Variants in CEP63 observed in about 807,000 individuals in gnomAD.
CEP63 encodes centrosomal protein of 63 kDa.
CEP63 carries 84 observed loss-of-function variants against 89.1 expected under a neutral mutation model. That is an observed-to-expected ratio of 0.94 (90% CI 0.79 to 1.13). The LOEUF (loss-of-function observed/expected upper bound fraction) is 1.13. CEP63 is among the 50% of genes most tolerant of loss of function. The probability of loss-of-function intolerance (pLI) is 0.00; values close to 1 mark genes in which losing one functional copy is unlikely to be tolerated. For missense variants in CEP63, 838 were observed against 813.3 expected, an observed-to-expected ratio of 1.03 and a Z score of -0.37; for synonymous variants, 267 against 272.5, an observed-to-expected ratio of 0.98 and a Z score of 0.20.
chr3:134,662,276 C>G, the CEP63 span, among the ~76,000 whole-genome samples: 1 of 52,516 alleles, frequency 1.9e-5, no homozygotes, highest in Non-Finnish European at 4.7e-5. Context: ...GACTTCATCT[C>G]AAAAAAGAAA....
chr3:134,602,835 A>G, the CEP63 span, among the ~76,000 whole-genome samples: 1 of 152,110 alleles, frequency 6.6e-6, no homozygotes, highest in African/African-American at 2.4e-5. Flanking sequence ...TGTCCCTCCC[A>G]CCTGCACAGC....
rs1414246458 is a variant in CEP63 at position 134,532,816 on chromosome 3, A to G, written c.357A>G (p.Lys119=). 1 of 1,611,892 alleles carries G rather than the reference A, an allele frequency of 6.2e-7. No individual in the cohort carries two copies. Among genetic ancestry groups the G allele is most frequent in the South Asian group, 1.1e-5 (1 of 91,052 alleles). Residue 119 remains lysine, a synonymous_variant, in exon 5 of 15, where the codon AAA becomes AAG. Transcript: ENST00000675561. ...ILKRSYEKLQ[K]KQMREFRGNT... is the part of the protein sequence containing the mutation. Reference sequence around the variant, plus strand: ...AGAGAAGCTATGAAAAGCTTCAGAAAAAGCAAATGAGGGAATTCAGAGGAA... The same window carrying G: ...AGAGAAGCTATGAAAAGCTTCAGAAGAAGCAAATGAGGGAATTCAGAGGAA...
At chr3:134,601,255 C>G in the CEP63 span, 1 of 89,588 alleles carries the variant, frequency 1.1e-5, no homozygotes, top group Non-Finnish European at 2.5e-5. Flanking sequence ...CCTAGTTAAA[C>G]GAGAGGGAGG....
the CEP63 span, among the ~76,000 whole-genome samples, chr3:134,662,637 C>G: frequency 1.3e-5 from 2 of 152,170 alleles, no homozygotes; most frequent in Non-Finnish European, 2.9e-5. Flanking sequence ...ATGAATAAAA[C>G]ACAAAGAACA....
rs141116914 is a variant in CEP63, at chr3:134,564,797, C to T, written c.*3262C>T. On this transcript the variant is annotated 3_prime_UTR_variant, in exon 15 of 15. Coordinates refer to ENST00000675561, the MANE Select transcript of CEP63 (RefSeq NM_001353108.3). Reference sequence around the variant, plus strand: ...TGTAGACTGCAGCCCGTTTCTGAAACGTTTGTACTACGTGTTGACTAGGAG... The same window carrying T: ...TGTAGACTGCAGCCCGTTTCTGAAATGTTTGTACTACGTGTTGACTAGGAG... The T allele has an allele frequency of 1.2e-4, 118 of 985,368 alleles. No individual in the cohort carries two copies. The African/African-American group carries it at 1.9e-3, about 16-fold the overall frequency. 61.0% of individuals were successfully genotyped at this position (985,368 alleles called of 1,614,324 possible).
the CEP63 span, among the ~76,000 whole-genome samples, chr3:134,773,628 T>A: frequency 6.6e-6 from 1 of 152,106 alleles, no homozygotes; most frequent in Non-Finnish European, 1.5e-5. Context: ...TTCTCCAACC[T>A]CATGTCTTAC....
chr3:134,559,203 C>G lies in CEP63; in HGVS notation c.1727C>G (p.Thr576Arg). 1 of 1,614,164 alleles carries G rather than the reference C, an allele frequency of 6.2e-7. No homozygotes were observed. The highest frequency in any genetic ancestry group is 1.1e-5 in the South Asian group (1 of 91,084). ...HDGIKTEHYKTDLHSPRGQAS... is the reference protein window; with the variant it reads ...HDGIKTEHYKRDLHSPRGQAS... ...GGAATAAAGACTGAGCACTACAAAA[C>G]AGATCTTCATTCTCCAAGAGGACAA... Residue 576 changes from threonine (T) to arginine (R), a missense_variant, in exon 14 of 15, where the codon ACA becomes AGA. Thr to Arg is a moderately conservative substitution (Grantham distance 71, BLOSUM62 -1). Coordinates refer to ENST00000675561, the MANE Select transcript of CEP63 (RefSeq NM_001353108.3).
At chr3:134,764,898 G>A in the CEP63 span, among the ~76,000 whole-genome samples, 7 of 152,260 alleles carry the variant, frequency 4.6e-5, no homozygotes, top group East Asian at 1.9e-4. Context: ...CAGTTTTCAC[G>A]TATCATTGAC....
the CEP63 span, among the ~76,000 whole-genome samples, chr3:134,633,966 G>A: frequency 3.9e-5 from 6 of 152,292 alleles, no homozygotes; most frequent in East Asian, 1.2e-3. Context: ...TTGGCCATAA[G>A]CAATTGGAGA....
intron 12 of CEP63, among the ~76,000 whole-genome samples, chr3:134,555,745 C>A (rs373141241): frequency 6.6e-5 from 10 of 150,548 alleles, no homozygotes; most frequent in East Asian, 3.9e-4. Context: ...GCTACCAATG[C>A]CTTTCTTCAC....
chr3:134,566,650 G>A (rs1402475296), downstream of CEP63, among the ~76,000 whole-genome samples: 1 of 152,124 alleles, frequency 6.6e-6, no homozygotes, highest in Non-Finnish European at 1.5e-5. Flanking sequence ...TTTCTCCAAA[G>A]ATGTACAGAT....
the CEP63 span, among the ~76,000 whole-genome samples, chr3:134,766,486 C>T: frequency 6.6e-6 from 1 of 152,254 alleles, no homozygotes; most frequent in Non-Finnish European, 1.5e-5. Flanking sequence ...TCTGGTGCTG[C>T]CTGCCTGTCA....
At chr3:134,684,508 C>T in the CEP63 span, among the ~76,000 whole-genome samples, 1 of 152,246 alleles carries the variant, frequency 6.6e-6, no homozygotes, top group Non-Finnish European at 1.5e-5. Flanking sequence ...GACATACTTC[C>T]TGCCATCGCA....
chr3:134,781,153 AG>A, the CEP63 span, among the ~76,000 whole-genome samples: 1 of 152,330 alleles, frequency 6.6e-6, no homozygotes, highest in African/African-American at 2.4e-5. Context: ...GATAAGGCAA[AG>A]CCTTCCATTC....
At chr3:134,710,550 G>C in the CEP63 span, among the ~76,000 whole-genome samples, 1 of 152,032 alleles carries the variant, frequency 6.6e-6, no homozygotes, top group African/African-American at 2.4e-5. Flanking sequence ...GTGTGGCCTG[G>C]CTTTGGCTTA....
chr3:134,498,565 T>G (rs1940922371), intron 2 of CEP63, among the ~76,000 whole-genome samples: 1 of 152,196 alleles, frequency 6.6e-6, no homozygotes, highest in African/African-American at 2.4e-5. Flanking sequence ...CTTGCCTGAT[T>G]GCTCTGACTA....
At chr3:134,763,808 G>C in the CEP63 span, among the ~76,000 whole-genome samples, 6 of 152,196 alleles carry the variant, frequency 3.9e-5, no homozygotes, top group Non-Finnish European at 5.9e-5. Flanking sequence ...TTAGTTCTTA[G>C]TGATTCAGTG....
intron 2 of CEP63, among the ~76,000 whole-genome samples, chr3:134,502,072 G>A (rs779493052): frequency 1.3e-5 from 2 of 152,072 alleles, no homozygotes; most frequent in Non-Finnish European, 2.9e-5. Flanking sequence ...CTTTTTCTGC[G>A]TCTATTGAGG....
the CEP63 span, among the ~76,000 whole-genome samples, chr3:134,625,906 C>G: frequency 1.3e-5 from 2 of 152,232 alleles, no homozygotes; most frequent in African/African-American, 4.8e-5. Context: ...AACTAGAGAC[C>G]AGTGCTGATG....
Sources: gnomAD v4.1 joint callset for allele counts (sites outside exome capture counted in the v4.1 genomes callset) on GRCh38, gnomAD v4.1.1 for gene constraint, MANE v1.5 for transcripts, NCBI Gene and HGNC (gene_info 2026-07-23, HGNC 2026-07-21) for gene names.